SHISA9: variants seen among roughly 807,000 people sequenced by gnomAD.
SHISA9 encodes shisa family member 9.
Under a neutral mutation model 38.0 loss-of-function variants are expected in SHISA9, and 13 were observed. The ratio of observed to expected loss-of-function variants is 0.34; its 90% CI spans 0.22 to 0.54. The LOEUF (loss-of-function observed/expected upper bound fraction) is 0.54. SHISA9 is among the 20% of genes least tolerant of loss of function. The probability of loss-of-function intolerance (pLI) is 0.91; values close to 1 mark genes in which losing one functional copy is unlikely to be tolerated. For missense variants in SHISA9, 538 were observed against 575.8 expected (o/e 0.93, Z 0.67); for synonymous variants, 275 against 242.0 (o/e 1.14, Z -1.27).
intron 2 of SHISA9, among the ~76,000 whole-genome samples, chr16:13,145,966 T>C (rs2050443732): frequency 6.6e-6 from 1 of 152,226 alleles, no homozygotes; most frequent in African/African-American, 2.4e-5. Flanking sequence ...GGCAGGCAGA[T>C]TGCTTGAGGT....
chr16:13,260,007 C>CTTTTTTTTTTTTTTTTTTTTTTTTTTT, the SHISA9 span, among the ~76,000 whole-genome samples: 11 of 60,446 alleles, frequency 1.8e-4, 2 homozygotes, highest in African/African-American at 4.6e-4. Context: ...TTCTTTCTTT[C>CTTTTTTTTTTTTTTTTTTTTTTTTTTT]TTTTTTTTTT....
intron 2 of SHISA9, among the ~76,000 whole-genome samples, chr16:13,070,127 T>C (rs201107045): frequency 1.1e-4 from 1 of 9,208 alleles, no homozygotes; most frequent in Non-Finnish European, 7.5e-4. Context: ...AAAGTACGTG[T>C]GTGTGTGTGT....
At chr16:13,196,087 C>CAAAAA (rs1172680715) in intron 2 of SHISA9, among the ~76,000 whole-genome samples, 4 of 14,144 alleles carry the variant, frequency 2.8e-4, no homozygotes, top group African/African-American at 9.8e-4. Flanking sequence ...GACTCTCTCT[C>CAAAAA]AAAAAAAAAA....
intron 4 of SHISA9, among the ~76,000 whole-genome samples, chr16:13,220,184 T>G (rs922278813): frequency 6.6e-6 from 1 of 152,216 alleles, no homozygotes; most frequent in Non-Finnish European, 1.5e-5. Flanking sequence ...TGGGAGGTTC[T>G]TCTTATCTCA....
the SHISA9 span, among the ~76,000 whole-genome samples, chr16:13,249,915 G>C: frequency 6.6e-6 from 1 of 151,992 alleles, no homozygotes. Context: ...AAATTTTTTT[G>C]TAGAGCCAGG....
chr16:13,050,758 A>G (rs1245510859), intron 2 of SHISA9, among the ~76,000 whole-genome samples: 2 of 152,310 alleles, frequency 1.3e-5, no homozygotes, highest in East Asian at 1.9e-4. Context: ...CATCCCCTCA[A>G]TAAGCTAGTA....
At chr16:13,050,465 G>T (rs1457896260) in intron 2 of SHISA9, among the ~76,000 whole-genome samples, 1 of 152,068 alleles carries the variant, frequency 6.6e-6, no homozygotes, top group South Asian at 2.1e-4. Context: ...TCAAGTGGCT[G>T]GGACTACAGG....
the SHISA9 span, among the ~76,000 whole-genome samples, chr16:13,315,216 C>T: frequency 6.6e-6 from 1 of 152,188 alleles, no homozygotes; most frequent in African/African-American, 2.4e-5. Context: ...CTGACTGGTA[C>T]ACAGTGATTT....
intron 4 of SHISA9, among the ~76,000 whole-genome samples, chr16:13,222,305 G>T (rs1459654712): frequency 6.6e-6 from 1 of 152,076 alleles, no homozygotes; most frequent in Non-Finnish European, 1.5e-5. Context: ...AGGTTGGTGG[G>T]CAGCTCTACT....
the SHISA9 span, among the ~76,000 whole-genome samples, chr16:13,556,027 T>G: frequency 6.6e-6 from 1 of 152,144 alleles, no homozygotes; most frequent in Non-Finnish European, 1.5e-5. Flanking sequence ...GGGCTTGAGA[T>G]TATACAGATG....
the SHISA9 span, among the ~76,000 whole-genome samples, chr16:13,539,303 CATATATATATATATAAA>C: frequency 1.9e-5 from 1 of 53,436 alleles, no homozygotes; most frequent in Non-Finnish European, 4.1e-5. Context: ...CTAAATTTTA[CATATATATATATATAAA>C]GACAGGATCT....
chr16:13,122,104 G>A (rs938169326), intron 2 of SHISA9, among the ~76,000 whole-genome samples: 5 of 152,132 alleles, frequency 3.3e-5, no homozygotes, highest in South Asian at 4.1e-4. Flanking sequence ...ACTGGTCGGG[G>A]GATCTAGCAC....
the SHISA9 span, among the ~76,000 whole-genome samples, chr16:13,534,069 C>A: frequency 7.2e-5 from 11 of 152,144 alleles, no homozygotes; most frequent in Admixed American, 6.5e-4. Flanking sequence ...AGGCGTGAGC[C>A]ACCGCGCCTG....
At chr16:13,259,765 CAG>C in the SHISA9 span, among the ~76,000 whole-genome samples, 1 of 152,160 alleles carries the variant, frequency 6.6e-6, no homozygotes, top group Non-Finnish European at 1.5e-5. Flanking sequence ...GGCTGGGACA[CAG>C]GGAATCAAGT....
chr16:12,968,679 G>T (rs1344100288), intron 2 of SHISA9, among the ~76,000 whole-genome samples: 2 of 152,312 alleles, frequency 1.3e-5, no homozygotes, highest in African/African-American at 4.8e-5. Flanking sequence ...GTGTGGTTCT[G>T]TTTATGGAAA....
the SHISA9 span, among the ~76,000 whole-genome samples, chr16:13,268,655 G>C: frequency 2.0e-5 from 3 of 152,110 alleles, no homozygotes; most frequent in South Asian, 4.1e-4. Context: ...TCCTCAATGT[G>C]AGCGTATTTT....
In SHISA9 at chr16:13,202,597, C is replaced by G. The variant is rs189598235; in HGVS notation, c.692-797C>G. Reference sequence around the variant, plus strand: ...CTTTTTTCCCTTTAACAATATAAACCATAAGAAACTGTTCAAGTTTTCCTT... The same window carrying G: ...CTTTTTTCCCTTTAACAATATAAACGATAAGAAACTGTTCAAGTTTTCCTT... On this transcript the variant is annotated intron_variant, in intron 2 of 4. Transcript: ENST00000558583. Among the ~76,000 whole-genome samples, 138 of 80,634 alleles carry G rather than the reference C, an allele frequency of 1.7e-3. 19 individuals carry two copies. Among genetic ancestry groups the G allele is most frequent in the Non-Finnish European group, 8.2e-4 (30 of 36,400 alleles). The allele number at this position is 80,634 out of a possible 152,430, so 52.9% of individuals were successfully genotyped here.
intron 2 of SHISA9, among the ~76,000 whole-genome samples, chr16:13,021,812 G>C (rs1175082360): frequency 6.6e-6 from 1 of 152,126 alleles, no homozygotes; most frequent in Non-Finnish European, 1.5e-5. Context: ...TATTAGACAG[G>C]AATAACTGAC....
intron 4 of SHISA9, among the ~76,000 whole-genome samples, chr16:13,216,329 A>G (rs2051168968): frequency 6.6e-6 from 1 of 152,114 alleles, no homozygotes; most frequent in African/African-American, 2.4e-5. Context: ...TGATCTGCAA[A>G]ATGGAGACCA....
Sources: allele counts gnomAD v4.1 joint callset (sites outside exome capture counted in the v4.1 genomes callset), GRCh38; gene constraint gnomAD v4.1.1; transcripts MANE v1.5; gene names NCBI Gene and HGNC (gene_info 2026-07-23, HGNC 2026-07-21).